Variants in ROBO1 observed in about 807,000 individuals in gnomAD.
ROBO1 encodes roundabout homolog 1.
A neutral mutation model predicts 195.9 loss-of-function variants in ROBO1; 149 were observed. The ratio of observed to expected loss-of-function variants is 0.76; its 90% confidence interval spans 0.67 to 0.87. The LOEUF is 0.87. ROBO1 is among the 40% of genes least tolerant of loss of function. The pLI is 0.00. For missense variants in ROBO1, 1,933 were observed against 2,068.3 expected, an observed-to-expected ratio of 0.93 and a Z score of 1.27; for synonymous variants, 816 against 733.2, an observed-to-expected ratio of 1.11 and a Z score of -1.82.
At chr3:79,743,174 T>C (rs1703721331) in intron 1 of ROBO1, among the ~76,000 whole-genome samples, 1 of 152,178 alleles carries the variant, frequency 6.6e-6, no homozygotes, top group South Asian at 2.1e-4. Flanking sequence ...GCAAATGTCA[T>C]AGAGTGTACT....
intron 4 of ROBO1, among the ~76,000 whole-genome samples, chr3:78,797,230 G>A (rs1045220353): frequency 2.0e-5 from 3 of 152,078 alleles, no homozygotes; most frequent in African/African-American, 7.2e-5. Context: ...CATAAGTTAG[G>A]GACATTGTCA....
chr3:79,523,472 C>CTTTTTTTTTTTTTT (rs11357932), intron 2 of ROBO1, among the ~76,000 whole-genome samples: 2 of 100,408 alleles, frequency 2.0e-5, no homozygotes, highest in Non-Finnish European at 3.8e-5. Context: ...TTTTTTTTTT[C>CTTTTTTTTTTTTTT]TTTTTTTTTT....
chr3:79,149,932 C>T (rs907093936), intron 2 of ROBO1, among the ~76,000 whole-genome samples: 1 of 151,688 alleles, frequency 6.6e-6, no homozygotes, highest in South Asian at 2.1e-4. Context: ...TTTCTCTTCC[C>T]CTTGTCAGAA....
intron 2 of ROBO1, among the ~76,000 whole-genome samples, chr3:79,135,123 G>T (rs1295604798): frequency 1.3e-5 from 2 of 151,968 alleles, no homozygotes; most frequent in Non-Finnish European, 2.9e-5. Flanking sequence ...TCATCATGTT[G>T]TATAATGGGT....
intron 2 of ROBO1, among the ~76,000 whole-genome samples, chr3:79,433,446 A>G (rs1247753295): frequency 6.6e-6 from 1 of 152,090 alleles, no homozygotes; most frequent in Non-Finnish European, 1.5e-5. Context: ...ACTGGACTAC[A>G]GTGGTGTGAT....
chr3:78,961,891 A>C (rs983101995), intron 3 of ROBO1, among the ~76,000 whole-genome samples: 20 of 151,938 alleles, frequency 1.3e-4, no homozygotes, highest in Admixed American at 6.6e-4. Context: ...CAGTAGATTC[A>C]TAGTCACAGT....
At position 78,750,494 on chromosome 3, in the gene ROBO1, T is replaced by TAAATA. The variant is rs1553719146; in HGVS notation, c.500-3599_500-3595dup. Among the ~76,000 whole-genome samples, 111 of 138,952 alleles carry TAAATA rather than the reference T, an allele frequency of 8.0e-4. 3 individuals are homozygous for TAAATA. The highest frequency in any genetic ancestry group is 2.3e-3 in the African/African-American group (89 of 38,428). The allele number at this position is 138,952 out of a possible 152,430, so 91.2% of individuals were successfully genotyped here. ...ATAAATAAATAAATAAATAAATAAA[T>TAAATA]AAATAAAATAAAATAAAAAAGTTCA... On this transcript the variant is annotated intron_variant, in intron 4 of 30. Coordinates refer to ENST00000464233, the MANE Select transcript of ROBO1 (RefSeq NM_002941.4).
chr3:79,531,171 G>A (rs1941645469), intron 2 of ROBO1, among the ~76,000 whole-genome samples: 1 of 152,006 alleles, frequency 6.6e-6, no homozygotes, highest in Non-Finnish European at 1.5e-5. Context: ...GAATCTATTT[G>A]AGTGATTTGT....
intron 2 of ROBO1, among the ~76,000 whole-genome samples, chr3:79,488,531 A>G (rs761366639): frequency 5.3e-5 from 8 of 152,170 alleles, no homozygotes; most frequent in Non-Finnish European, 1.0e-4. Context: ...GTGTGTGATA[A>G]AACAACTGTG....
intron 1 of ROBO1, among the ~76,000 whole-genome samples, chr3:79,688,045 AATG>A (rs1422794221): frequency 1.3e-5 from 2 of 152,042 alleles, no homozygotes; most frequent in Non-Finnish European, 2.9e-5. Flanking sequence ...AGCCATAAAA[AATG>A]ATGAGTTCAT....
At chr3:79,538,427 AT>A (rs1470703425) in intron 2 of ROBO1, among the ~76,000 whole-genome samples, 2,925 of 152,186 alleles carry the variant, frequency 0.019, 116 homozygotes, top group African/African-American at 0.066. Flanking sequence ...ATCCCCAGAG[AT>A]TTTATTTAGT....
intron 1 of ROBO1, among the ~76,000 whole-genome samples, chr3:79,691,744 G>A (rs1055524836): frequency 6.6e-6 from 1 of 151,792 alleles, no homozygotes; most frequent in African/African-American, 2.4e-5. Context: ...CTAGCACAAA[G>A]TTAATTTCTA....
At chr3:79,371,695 T>G (rs1337461166) in intron 2 of ROBO1, among the ~76,000 whole-genome samples, 1 of 152,202 alleles carries the variant, frequency 6.6e-6, no homozygotes, top group Non-Finnish European at 1.5e-5. Flanking sequence ...ATTTTGAGAC[T>G]GTTAATGGAC....
At chr3:79,616,197 G>A (rs1269244627) in intron 1 of ROBO1, among the ~76,000 whole-genome samples, 1 of 152,116 alleles carries the variant, frequency 6.6e-6, no homozygotes, top group African/African-American at 2.4e-5. Context: ...TCAAATCTGA[G>A]CTGAGGCAGT....
At chr3:79,577,028 T>G (rs1222819868) in intron 2 of ROBO1, among the ~76,000 whole-genome samples, 3 of 152,208 alleles carry the variant, frequency 2.0e-5, no homozygotes, top group Non-Finnish European at 2.9e-5. Flanking sequence ...AAATTGTCTC[T>G]GGTCTATGTT....
At chr3:78,902,758 C>T (rs1293975697) in intron 4 of ROBO1, among the ~76,000 whole-genome samples, 1 of 152,064 alleles carries the variant, frequency 6.6e-6, no homozygotes, top group African/African-American at 2.4e-5. Flanking sequence ...GCAGGAGAAT[C>T]GCTTGAACCC....
intron 1 of ROBO1, among the ~76,000 whole-genome samples, chr3:79,761,618 C>A (rs1437637156): frequency 6.6e-6 from 1 of 152,188 alleles, no homozygotes; most frequent in East Asian, 1.9e-4. Flanking sequence ...ACTCTAAATG[C>A]CATGTTCACA....
At chr3:79,623,607 C>T (rs905081410) in intron 1 of ROBO1, among the ~76,000 whole-genome samples, 5 of 152,060 alleles carry the variant, frequency 3.3e-5, no homozygotes, top group African/African-American at 1.2e-4. Context: ...AGTTGGAAGA[C>T]TGCCTTATTA....
At chr3:78,868,798 T>A (rs1324059958) in intron 4 of ROBO1, among the ~76,000 whole-genome samples, 1 of 152,188 alleles carries the variant, frequency 6.6e-6, no homozygotes, top group African/African-American at 2.4e-5. Flanking sequence ...ATTCTCAGCC[T>A]GAGCTAGTGA....
Sources: gnomAD v4.1 joint callset for allele counts (sites outside exome capture counted in the v4.1 genomes callset) on GRCh38, gnomAD v4.1.1 for gene constraint, MANE v1.5 for transcripts, NCBI Gene and HGNC (gene_info 2026-07-23, HGNC 2026-07-21) for gene names.